The following NLRC5 variants were observed in gnomAD, a reference collection of about 807,000 sequenced individuals.
NLRC5 encodes the protein NLR family CARD domain containing 5.
NLRC5 carries 114 observed loss-of-function variants against 206.9 expected under a neutral mutation model. The observed-to-expected ratio is 0.55, with a 90% confidence interval of 0.47 to 0.64. NLRC5 has a LOEUF of 0.64. NLRC5 is among the 30% of genes least tolerant of loss of function. The pLI, the probability that NLRC5 is intolerant of heterozygous loss-of-function variation, is 0.00. For missense variants in NLRC5, 2,008 were observed against 2,305.5 expected (o/e 0.87, Z 2.64); for synonymous variants, 952 against 962.8 (o/e 0.99, Z 0.21).
intron 45 of NLRC5, 54 bp downstream of exon 45, chr16:57,079,346 C>A: frequency 6.3e-7 from 1 of 1,578,790 alleles, no homozygotes. Flanking sequence ...GAGGGCAGCC[C>A]TTCTCTGACT....
At chr16:57,072,155 C>G (rs2067871374) in intron 38 of NLRC5, among the ~76,000 whole-genome samples, 1 of 152,174 alleles carries the variant, frequency 6.6e-6, no homozygotes, top group African/African-American at 2.4e-5. Context: ...CTCTCACACA[C>G]TTCACTCTGG....
rs1240331428 is a variant in NLRC5, at chr16:57,023,826, C to T, written c.397C>T (p.Arg133Trp). The change falls in exon 5 of 49, where the codon CGG becomes TGG. Residue 133 changes from arginine (R) to tryptophan (W), a missense_variant. Transcript: ENST00000688547. ...PHQSCGSSPR[R>W]KQCKKQQLEL... The stretch of plus-strand genomic sequence containing the variant: ...TCAGAGCTGTGGGTCCTCACCCCGC[C>T]GGAAGCAGTGCAAGAAGCAGCAGCT... 5.6e-6 allele frequency: 9 copies of T among 1,612,006 alleles called. No homozygotes were observed. The highest frequency in any genetic ancestry group is 1.7e-5 in the Admixed American group (1 of 59,804).
intron 40 of NLRC5, 81 bp downstream of exon 40, chr16:57,076,983 C>T: frequency 8.2e-7 from 1 of 1,223,432 alleles, no homozygotes; most frequent in Non-Finnish European, 1.2e-6. Context: ...CCTGAGCACG[C>T]CCTTTGCTTC....
chr16:56,997,756 C>G (rs1218401811), intron 1 of NLRC5, among the ~76,000 whole-genome samples: 1 of 151,736 alleles, frequency 6.6e-6, no homozygotes, highest in Non-Finnish European at 1.5e-5. Context: ...AATTTTTGTA[C>G]TTTTTGTAGA....
At chr16:57,025,018 GA>G (rs1262505447) in intron 5 of NLRC5, among the ~76,000 whole-genome samples, 1 of 151,792 alleles carries the variant, frequency 6.6e-6, no homozygotes, top group African/African-American at 2.4e-5. Context: ...TGGGAAAAAA[GA>G]AAAAAAAGAG....
chr16:57,034,456 G>T (rs554749408), intron 13 of NLRC5: 2 of 561,152 alleles, frequency 3.6e-6, no homozygotes, highest in Non-Finnish European at 6.4e-6. Flanking sequence ...ATGCCTCCTC[G>T]CATTCACTCC....
intron 5 of NLRC5, among the ~76,000 whole-genome samples, chr16:57,024,212 G>A (rs1220954176): frequency 6.6e-6 from 1 of 152,204 alleles, no homozygotes; most frequent in African/African-American, 2.4e-5. Flanking sequence ...GGGTGAGCAG[G>A]GATGGGGAGG....
In NLRC5 at chr16:57,029,737, C is replaced by G. The variant is rs1376712412; in HGVS notation, c.2244-36C>G. 9.4e-6 allele frequency: 15 copies of G among 1,598,508 alleles called. No individual in the cohort carries two copies. In the African/African-American group the frequency reaches 1.9e-4, roughly 20 times the overall value. On this transcript the variant is annotated intron_variant, in intron 8 of 48. Coordinates refer to ENST00000688547, the MANE Select transcript of NLRC5 (RefSeq NM_001384950.1). ...ACTGGGGCTTGCAAGTGCCCCAACC[C>G]CAGGGCAAAGGGACTGGGCCTTGGT...
rs1461938534 is a variant in NLRC5 at position 57,015,939 on chromosome 16, A to AG, written c.-127-1135_-127-1134insG. Among the ~76,000 whole-genome samples the AG allele has an allele frequency of 3.2e-4, 47 of 146,438 alleles. 3 individuals carry two copies. The highest frequency in any genetic ancestry group is 3.1e-3 in the South Asian group (14 of 4,524). Reference sequence around the variant, plus strand: ...AAACTCCATCTCAAAAAAAAAAAAAAAAAAAAAAAGAAAGAAAAGAAAAGA... The same window carrying AG: ...AAACTCCATCTCAAAAAAAAAAAAAAGAAAAAAAAAGAAAGAAAAGAAAAGA... On this transcript the variant is annotated intron_variant, in intron 1 of 48. Transcript: ENST00000688547.
intron 8 of NLRC5, 49 bp from the exon 9 acceptor site, chr16:57,029,724 A>G (rs2061598107): frequency 6.6e-7 from 1 of 1,523,482 alleles, no homozygotes. Context: ...TGGGGCTTGC[A>G]AGTGCCCCAA....
Position 57,055,028 on chromosome 16 carries a change from C to A in NLRC5, c.3597-4C>A, listed in dbSNP as rs996703826. On this transcript the variant is annotated splice_polypyrimidine_tract_variant and splice_region_variant and intron_variant, in intron 25 of 48. Coordinates refer to ENST00000688547, the MANE Select transcript of NLRC5 (RefSeq NM_001384950.1). ...CTGTCTGACCCAGGTCCTGTCTGAT[C>A]CAGGTCCCTGCACCATGCAACTTTG... is the stretch of plus-strand genomic sequence containing the variant. 13 of 1,614,082 alleles carry A rather than the reference C, an allele frequency of 8.1e-6. No individual in the cohort carries two copies. The highest frequency in any genetic ancestry group is 4.5e-5 in the East Asian group (2 of 44,892).
chr16:57,031,344 G>A (rs1437443697), intron 10 of NLRC5, 60 bp from the exon 11 acceptor site: 2 of 1,564,386 alleles, frequency 1.3e-6, no homozygotes, highest in East Asian at 2.2e-5. Flanking sequence ...GTGTGCCTGT[G>A]GTGGGTGATG....
In NLRC5 at chr16:57,041,474, T is replaced by C. The variant is rs778906647; in HGVS notation, c.2940-11T>C. The C allele has an allele frequency of 6.2e-7, 1 of 1,608,822 alleles. No individual in the cohort carries two copies. The highest frequency in any genetic ancestry group is 8.5e-7 in the Non-Finnish European group (1 of 1,176,306). ...TGGGGCATGCAGCACTGTGTTTTTGTCCCTGGGCAGGCTGACACATTGTGG... is the reference window on the plus strand; with the variant it reads ...TGGGGCATGCAGCACTGTGTTTTTGCCCCTGGGCAGGCTGACACATTGTGG... On this transcript the variant is annotated splice_polypyrimidine_tract_variant and intron_variant, in intron 17 of 48. Transcript: ENST00000688547.
At position 57,047,579 on chromosome 16, in the gene NLRC5, A is replaced by T; in HGVS notation, c.3373A>T (p.Thr1125Ser). ...GTGTCCTCTGGAGCCCCCAAGCCTC[A>T]CCCGCCTCTGTGCCACTCTGAAGGA... ...SECPLEPPSL[T>S]RLCATLKDCP... The change falls in exon 23 of 49, where the codon ACC (threonine) becomes TCC (serine). Residue 1125 changes from threonine to serine, a missense_variant. By Grantham distance (58) the Thr-to-Ser change is moderately conservative (BLOSUM62 1). Coordinates refer to ENST00000688547, the MANE Select transcript of NLRC5 (RefSeq NM_001384950.1). The T allele has an allele frequency of 6.2e-7, 1 of 1,603,296 alleles. No homozygotes were observed. The highest frequency in any genetic ancestry group is 8.5e-7 in the Non-Finnish European group (1 of 1,175,256).
chr16:57,046,595 G>C lies in NLRC5; in HGVS notation c.3292G>C (p.Ala1098Pro). ...ATCTTTGCCAGACTTCCCAGCTGCA[G>C]CCAAGTTCTTAGGGTTCCGTCAGCG... ...TGSLPDFPAA[A>P]KFLGFRQRCI... The change falls in exon 22 of 49, where the codon GCC becomes CCC. Residue 1098 changes from alanine to proline, a missense_variant. By Grantham distance (27) the Ala-to-Pro change is conservative. Coordinates refer to ENST00000688547, the MANE Select transcript of NLRC5 (RefSeq NM_001384950.1). 1.2e-6 allele frequency: 2 copies of C among 1,614,066 alleles called. No individual in the cohort carries two copies. The highest frequency in any genetic ancestry group is 8.5e-7 in the Non-Finnish European group (1 of 1,179,934).
At position 57,077,972 on chromosome 16, in the gene NLRC5, C is replaced by T; in HGVS notation, c.5033C>T (p.Thr1678Ile). The T allele has an allele frequency of 6.2e-6, 10 of 1,612,744 alleles. No homozygotes were observed. The highest frequency in any genetic ancestry group is 8.5e-6 in the Non-Finnish European group (10 of 1,179,262). Residue 1678 changes from threonine to isoleucine, a missense_variant, in exon 43 of 49, where the codon ACA becomes ATA. Thr to Ile is a moderately conservative substitution (Grantham distance 89, BLOSUM62 -1). Coordinates refer to ENST00000688547, the MANE Select transcript of NLRC5 (RefSeq NM_001384950.1). ...MLGCNALGDPTALGLAQELPQ... is the reference protein window; with the variant it reads ...MLGCNALGDPIALGLAQELPQ... Reference sequence around the variant, plus strand: ...GGCTGCAATGCCCTGGGGGATCCCACAGCCCTGGGGCTGGCTCAGGAGCTG... The same window carrying T: ...GGCTGCAATGCCCTGGGGGATCCCATAGCCCTGGGGCTGGCTCAGGAGCTG...
intron 1 of NLRC5, among the ~76,000 whole-genome samples, chr16:57,007,052 G>A (rs142462986): frequency 1.1e-3 from 164 of 151,836 alleles, no homozygotes; most frequent in African/African-American, 3.6e-3. Flanking sequence ...ATGTTCTTGT[G>A]GCTTTTTTAG....
intron 1 of NLRC5, among the ~76,000 whole-genome samples, chr16:56,989,865 G>A (rs1250127089): frequency 6.6e-6 from 1 of 152,212 alleles, no homozygotes; most frequent in African/African-American, 2.4e-5. Context: ...CGCAGAGGAT[G>A]GCAGATGAGG....
In NLRC5 at chr16:57,026,572, C is replaced by A. The variant is rs2061291953; in HGVS notation, c.1629C>A (p.Leu543=). 6.2e-7 allele frequency: 1 copy of A among 1,614,228 alleles called. No homozygotes were observed. The highest frequency in any genetic ancestry group is 8.5e-7 in the Non-Finnish European group (1 of 1,180,040). ...NKDTLTQYVT[L]HSRWVQRTKA... ...ACACACTTACCCAGTATGTTACCCT[C>A]CATTCCCGCTGGGTACAGCGGACCA... The change falls in exon 6 of 49, where the codon CTC becomes CTA. Residue 543 remains leucine, a synonymous_variant. Transcript: ENST00000688547.
Sources: gnomAD v4.1 joint callset for allele counts (sites outside exome capture counted in the v4.1 genomes callset) on GRCh38, gnomAD v4.1.1 for gene constraint, MANE v1.5 for transcripts, NCBI Gene and HGNC (gene_info 2026-07-23, HGNC 2026-07-21) for gene names.